Variants in MTA3 observed in about 807,000 individuals in gnomAD.
The protein encoded by MTA3 is metastasis-associated protein MTA3.
Under a neutral mutation model 83.5 loss-of-function variants are expected in MTA3, and 34 were observed. The observed-to-expected ratio is 0.41, with a 90% CI of 0.31 to 0.54. The LOEUF is 0.54. Among genes scored for constraint, MTA3 ranks in the 20% least tolerant of loss-of-function variants. The pLI, the probability that MTA3 is intolerant of heterozygous loss-of-function variation, is 0.33. For missense variants in MTA3, 761 were observed against 726.4 expected (o/e 1.05, Z -0.55); for synonymous variants, 303 against 252.7 (o/e 1.20, Z -1.89).
intron 14 of MTA3, among the ~76,000 whole-genome samples, chr2:42,711,483 ATT>A (rs949307900): frequency 3.3e-5 from 5 of 152,132 alleles, no homozygotes; most frequent in Admixed American, 3.3e-4. Context: ...TTTGTTTTGT[ATT>A]TAGCTTCACT....
chr2:42,704,171 C>T, intron 11 of MTA3, 23 bp from the exon 12 acceptor site: 2 of 1,610,510 alleles, frequency 1.2e-6, no homozygotes, highest in Non-Finnish European at 1.7e-6. Flanking sequence ...CATTTTATCA[C>T]CTTATTTTAA....
intron 4 of MTA3, among the ~76,000 whole-genome samples, chr2:42,627,113 G>C (rs960686202): frequency 4.6e-5 from 7 of 151,660 alleles, no homozygotes; most frequent in Non-Finnish European, 1.0e-4. Flanking sequence ...ATTTCTCTCT[G>C]TTTTCTAGGC....
intron 2 of MTA3, among the ~76,000 whole-genome samples, chr2:42,530,184 C>CAAAA (rs11372241): frequency 7.3e-6 from 1 of 136,154 alleles, no homozygotes; most frequent in African/African-American, 2.7e-5. Flanking sequence ...AACTCCATCT[C>CAAAA]AAAAAAAAAA....
intron 16 of MTA3, among the ~76,000 whole-genome samples, chr2:42,735,856 C>A (rs896404907): frequency 3.9e-5 from 6 of 152,086 alleles, no homozygotes; most frequent in Admixed American, 1.3e-4. Context: ...TTATTGAATT[C>A]TGTTGTGCTT....
At position 42,568,702 on chromosome 2, in the gene MTA3, G is replaced by A; in HGVS notation, c.-44G>A. ...CTGAGGCTGAGGAGGAGGCGGCGGC[G>A]GCGGGCGGGGCTCGGCTCGGGCTCC... On this transcript the variant is annotated 5_prime_UTR_variant, in exon 1 of 17. Coordinates refer to ENST00000405094, the MANE Select transcript of MTA3 (RefSeq NM_001330442.2). 8.3e-7 allele frequency: 1 copy of A among 1,201,536 alleles called. No individual in the cohort carries two copies. The highest frequency in any genetic ancestry group is 1.0e-6 in the Non-Finnish European group (1 of 969,320). The allele number at this position is 1,201,536 out of a possible 1,614,324, so 74.4% of individuals were successfully genotyped here. A position where few individuals can be genotyped will look rare whatever the true frequency, so the allele number is the denominator to read the frequency against.
chr2:42,583,640 T>C (rs908322854), intron 3 of MTA3, among the ~76,000 whole-genome samples: 4 of 151,934 alleles, frequency 2.6e-5, no homozygotes, highest in Non-Finnish European at 5.9e-5. Context: ...GCAATTCTCA[T>C]GCCTCAGCCT....
chr2:42,563,786 T>G (rs1677774685), upstream of MTA3, among the ~76,000 whole-genome samples: 1 of 142,074 alleles, frequency 7.0e-6, no homozygotes, highest in Non-Finnish European at 1.5e-5. Context: ...ATTCCTTCCT[T>G]CCTTCCTTCC....
intron 8 of MTA3, among the ~76,000 whole-genome samples, chr2:42,670,816 A>G (rs2104405710): frequency 6.6e-6 from 1 of 152,032 alleles, no homozygotes; most frequent in Non-Finnish European, 1.5e-5. Context: ...CTCTACTGCT[A>G]AATATTTGAA....
chr2:42,690,891 T>G (rs906897801), intron 9 of MTA3, among the ~76,000 whole-genome samples: 19 of 131,604 alleles, frequency 1.4e-4, no homozygotes, highest in Non-Finnish European at 2.2e-4. Context: ...TTTATTTATT[T>G]ATTGAGACAA....
intron 8 of MTA3, among the ~76,000 whole-genome samples, chr2:42,674,672 C>T (rs1303489668): frequency 6.7e-6 from 1 of 149,316 alleles, no homozygotes; most frequent in Non-Finnish European, 1.5e-5. Context: ...GATCTCAGCT[C>T]ACTGCAACTG....
In MTA3 at chr2:42,609,824, C is replaced by G. The variant is rs907406069; in HGVS notation, c.317+240C>G. Among the ~76,000 whole-genome samples the G allele has an allele frequency of 2.6e-5, 4 of 152,126 alleles. 1 individual carries two copies. Among genetic ancestry groups the G allele is most frequent in the Admixed American group, 2.6e-4 (4 of 15,260 alleles). On this transcript the variant is annotated intron_variant, in intron 4 of 16. Transcript: ENST00000405094. ...TTAATAACAGACTTTCCTGGCCAGGCGCAGTGGCTCACGCCTGTAATTCCA... is the reference window on the plus strand; with the variant it reads ...TTAATAACAGACTTTCCTGGCCAGGGGCAGTGGCTCACGCCTGTAATTCCA...
intron 2 of MTA3, among the ~76,000 whole-genome samples, chr2:42,543,458 G>A (rs1676612789): frequency 6.6e-6 from 1 of 151,618 alleles, no homozygotes; most frequent in Admixed American, 6.6e-5. Context: ...TTACAGGCGT[G>A]AGCCACTGCT....
At chr2:42,698,921 A>G (rs537766592) in intron 11 of MTA3, among the ~76,000 whole-genome samples, 1 of 152,260 alleles carries the variant, frequency 6.6e-6, no homozygotes, top group East Asian at 1.9e-4. Context: ...TATATGTTTT[A>G]TATGATGAAT....
upstream of MTA3, chr2:42,568,019 T>A (rs1308025449): frequency 6.6e-6 from 1 of 152,280 alleles, no homozygotes; most frequent in African/African-American, 2.4e-5. Context: ...AGGGAGTTTT[T>A]CTACCTCTGT....
chr2:42,581,659 A>T, intron 3 of MTA3: 1 of 172,472 alleles, frequency 5.8e-6, no homozygotes, highest in South Asian at 1.1e-4. Flanking sequence ...TTGGGATTAC[A>T]GGTGTGAGGC....
At chr2:42,628,258 T>C (rs1242591227) in intron 4 of MTA3, among the ~76,000 whole-genome samples, 4 of 144,100 alleles carry the variant, frequency 2.8e-5, no homozygotes, top group African/African-American at 7.8e-5. Context: ...GAGATGGAGT[T>C]TTGCTCTTGT....
intron 8 of MTA3, among the ~76,000 whole-genome samples, chr2:42,681,989 T>C (rs1045173096): frequency 4.6e-5 from 7 of 152,004 alleles, no homozygotes; most frequent in African/African-American, 1.7e-4. Flanking sequence ...GGAGGATCAG[T>C]TGAGCCCAGG....
chr2:42,667,611 TAGAGAGAGAAAGAGAGAGAG>T (rs1409681072), intron 8 of MTA3, among the ~76,000 whole-genome samples: 430 of 120,536 alleles, frequency 3.6e-3, no homozygotes, highest in South Asian at 0.012. Context: ...TGTGTGTGTA[TAGAGAGAGAAAGAGAGAGAG>T]AGAGAGAGAG....
chr2:42,500,530 CA>C (rs1674350029), intron 2 of MTA3, among the ~76,000 whole-genome samples: 1 of 151,694 alleles, frequency 6.6e-6, no homozygotes, highest in Non-Finnish European at 1.5e-5. Flanking sequence ...GAGGCTCTCT[CA>C]AAAATAAACA....
Sources: gnomAD v4.1 joint callset for allele counts (sites outside exome capture counted in the v4.1 genomes callset) on GRCh38, gnomAD v4.1.1 for gene constraint, MANE v1.5 for transcripts, NCBI Gene and HGNC (gene_info 2026-07-23, HGNC 2026-07-21) for gene names.